The following TSPAN32 variants were observed in gnomAD, a reference collection of about 807,000 sequenced individuals.
TSPAN32 encodes tetraspanin 32, also known as tetraspanin-32.
Under a neutral mutation model 42.7 loss-of-function variants are expected in TSPAN32, and 47 were observed. The observed-to-expected ratio is 1.10, with a 90% CI of 0.87 to 1.40. The LOEUF (loss-of-function observed/expected upper bound fraction) is 1.40. TSPAN32 is among the 40% of genes most tolerant of loss of function. The pLI, the probability that TSPAN32 is intolerant of heterozygous loss-of-function variation, is 0.00. For synonymous variants in TSPAN32, 175 were observed against 175.9 expected (o/e 0.99, Z 0.04); for missense variants, 469 against 424.1 (o/e 1.11, Z -0.93).
intron 5 of TSPAN32, 94 bp from the exon 6 acceptor site, chr11:2,314,391 T>G: frequency 9.9e-7 from 1 of 1,007,196 alleles, no homozygotes; most frequent in Non-Finnish European, 1.5e-6. Flanking sequence ...GAACCCCACC[T>G]GGATACTTGT....
intron 7 of TSPAN32, 109 bp from the exon 8 acceptor site, chr11:2,316,467 T>C (rs1366809747): frequency 3.2e-6 from 5 of 1,578,494 alleles, no homozygotes; most frequent in Admixed American, 1.8e-5. Context: ...TGACAGGGCC[T>C]GCCTCCTACA....
chr11:2,311,925 C>T (rs1848482683), intron 4 of TSPAN32, among the ~76,000 whole-genome samples: 1 of 152,232 alleles, frequency 6.6e-6, no homozygotes, highest in Admixed American at 6.5e-5. Context: ...CAGGGCCCTC[C>T]AGGGCCAGAC....
chr11:2,307,875 A>G (rs1057204236), intron 3 of TSPAN32, among the ~76,000 whole-genome samples: 1 of 152,168 alleles, frequency 6.6e-6, no homozygotes, highest in African/African-American at 2.4e-5. Context: ...GCTCAACTGC[A>G]AAGAGAGAGG....
intron 5 of TSPAN32, 141 bp from the exon 6 acceptor site, chr11:2,314,344 A>G (rs1848654451): frequency 1.4e-6 from 1 of 715,906 alleles, no homozygotes. Flanking sequence ...CAGCAGAAGC[A>G]GCTGCAATAC....
At chr11:2,316,712 A>G (rs771766366) in intron 8 of TSPAN32, 45 bp downstream of exon 8, 1 of 1,503,182 alleles carries the variant, frequency 6.7e-7, no homozygotes, top group South Asian at 1.3e-5. Context: ...AGGGTCCTCC[A>G]GCTCTGCTCG....
At chr11:2,306,062 G>GTGTGTGTGTGTGTGTGT (rs1379912468) in intron 3 of TSPAN32, among the ~76,000 whole-genome samples, 1 of 152,030 alleles carries the variant, frequency 6.6e-6, no homozygotes, top group Non-Finnish European at 1.5e-5. Flanking sequence ...GTGTGTGTGT[G>GTGTGTGTGTGTGTGTGT]TGTGTGTGTA....
chr11:2,310,727 G>T (rs547850395), intron 4 of TSPAN32, among the ~76,000 whole-genome samples: 1 of 152,334 alleles, frequency 6.6e-6, no homozygotes, highest in East Asian at 1.9e-4. Flanking sequence ...GGTGGGAATG[G>T]CCAGGTGTGT....
chr11:2,303,973 A>T (rs1847918712), intron 2 of TSPAN32, 134 bp from the exon 3 acceptor site: 3 of 640,800 alleles, frequency 4.7e-6, no homozygotes, highest in Non-Finnish European at 8.3e-6. Flanking sequence ...TCTGATGGAG[A>T]GACAGGCCCA....
chr11:2,315,186 T>C (rs1848710310), intron 6 of TSPAN32: 149 of 382,864 alleles, frequency 3.9e-4, no homozygotes, highest in Non-Finnish European at 5.4e-4. Context: ...GCCCCCTCCC[T>C]GCTCCCCTCC....
At chr11:2,306,515 C>T (rs1848097177) in intron 3 of TSPAN32, among the ~76,000 whole-genome samples, 1 of 151,556 alleles carries the variant, frequency 6.6e-6, no homozygotes, top group Non-Finnish European at 1.5e-5. Flanking sequence ...CACCCAAGAT[C>T]CTCTCTGCGC....
At chr11:2,302,998 C>G in intron 2 of TSPAN32, 40 bp downstream of exon 2, 6 of 1,569,980 alleles carry the variant, frequency 3.8e-6, no homozygotes, top group Non-Finnish European at 4.4e-6. Context: ...GGAGGGGCCT[C>G]GGGTGCAAGG....
intron 4 of TSPAN32, among the ~76,000 whole-genome samples, chr11:2,309,748 G>A (rs1394022225): frequency 2.6e-5 from 4 of 152,166 alleles, no homozygotes; most frequent in South Asian, 2.1e-4. Flanking sequence ...CAGGGGGCCT[G>A]CTGTGCAGTT....
rs931388565 is a variant in TSPAN32 at position 2,317,296 on chromosome 11, C to T, written c.720-48C>T. On this transcript the variant is annotated intron_variant, in intron 8 of 9. Coordinates refer to ENST00000182290, the MANE Select transcript of TSPAN32 (RefSeq NM_139022.3). This position sits in a 1 kb window ranked among gnomAD's most constrained non-coding sequence, Gnocchi z 6.2. ...AACATTCCACAATAGCCTCACAGGT[C>T]CCCTGTAGAACATTCCACCACAGCC... 6.9e-7 allele frequency: 1 copy of T among 1,445,882 alleles called. No homozygotes were observed. Among genetic ancestry groups the T allele is most frequent in the Non-Finnish European group, 9.5e-7 (1 of 1,052,450 alleles). The allele number at this position is 1,445,882 out of a possible 1,614,324, so 89.6% of individuals were successfully genotyped here. A position where few individuals can be genotyped will look rare whatever the true frequency, so the allele number is the denominator to read the frequency against.
intron 6 of TSPAN32, 48 bp from the exon 7 acceptor site, chr11:2,316,181 C>T (rs764191173): frequency 2.6e-5 from 40 of 1,513,918 alleles, no homozygotes; most frequent in Non-Finnish European, 3.5e-5. Flanking sequence ...CTTGTCCAGG[C>T]AGGGAGGGCC....
At chr11:2,316,162 C>T (rs1412707557) in intron 6 of TSPAN32, 67 bp from the exon 7 acceptor site, 2 of 1,513,868 alleles carry the variant, frequency 1.3e-6, no homozygotes, top group African/African-American at 2.8e-5. Context: ...CATGGCCCCA[C>T]AGAGGCCGCT....
chr11:2,304,218 G>A lies in TSPAN32; in HGVS notation c.279+14G>A. The stretch of plus-strand genomic sequence containing the variant: ...CTCATGGCAGGGGTGAGTTCATTGT[G>A]TTCCCAGATGCCCAGGCCCCCAGAA... On this transcript the variant is annotated intron_variant, in intron 3 of 9. Coordinates refer to ENST00000182290, the MANE Select transcript of TSPAN32 (RefSeq NM_139022.3). This position sits in a 1 kb window ranked among gnomAD's most constrained non-coding sequence, Gnocchi z 4.8. The A allele has an allele frequency of 3.3e-6, 5 of 1,518,430 alleles. No homozygotes were observed. The highest frequency in any genetic ancestry group is 2.1e-5 in the Admixed American group (1 of 46,726). 94.1% of individuals were successfully genotyped at this position (1,518,430 alleles called of 1,614,324 possible). A position where few individuals can be genotyped will look rare whatever the true frequency, so the allele number is the denominator to read the frequency against.
chr11:2,309,010 A>G (rs1461022784), intron 4 of TSPAN32, among the ~76,000 whole-genome samples, 200 bp downstream of exon 4: 1 of 152,056 alleles, frequency 6.6e-6, no homozygotes, highest in Non-Finnish European at 1.5e-5. Context: ...GGTGAGGGCC[A>G]GCAGCTCCCT....
chr11:2,313,784 G>A lies in TSPAN32; in HGVS notation c.456+29G>A. Reference sequence around the variant, plus strand: ...AGCGTGGGGACGGCTGGGTGGCAGGGCGGTCAGCTTCTGCTTGGACTGCAG... The same window carrying A: ...AGCGTGGGGACGGCTGGGTGGCAGGACGGTCAGCTTCTGCTTGGACTGCAG... On this transcript the variant is annotated intron_variant, in intron 5 of 9. Transcript: ENST00000182290. This position sits in a 1 kb window ranked among gnomAD's most constrained non-coding sequence, Gnocchi z 9.1. The A allele has an allele frequency of 1.3e-6, 2 of 1,539,894 alleles. No individual in the cohort carries two copies. The highest frequency in any genetic ancestry group is 8.8e-7 in the Non-Finnish European group (1 of 1,139,308).
intron 6 of TSPAN32, chr11:2,315,669 G>C: frequency 1.7e-6 from 2 of 1,191,350 alleles, no homozygotes; most frequent in Non-Finnish European, 2.1e-6. Flanking sequence ...GGCCGCCCCA[G>C]TTGCCATCAT....
Sources: allele counts gnomAD v4.1 joint callset (sites outside exome capture counted in the v4.1 genomes callset), GRCh38; gene constraint gnomAD v4.1.1; non-coding constraint Gnocchi (gnomAD v3.1); transcripts MANE v1.5; gene names NCBI Gene and HGNC (gene_info 2026-07-23, HGNC 2026-07-21).